The following MIB1 variants were observed in gnomAD, a reference collection of about 807,000 sequenced individuals.
The protein encoded by MIB1 is MIB E3 ubiquitin protein ligase 1.
Under a neutral mutation model 124.5 loss-of-function variants are expected in MIB1, and 278 were observed. The observed-to-expected ratio is 2.23, with a 90% CI of 2.02 to 2.47. MIB1 has a LOEUF of 2.47. Ranked by LOEUF, MIB1 falls within the 30% of genes most tolerant of loss-of-function variation. MIB1 has a pLI of 0.00. For synonymous variants in MIB1, 446 were observed against 429.4 expected (o/e 1.04, Z -0.48); for missense variants, 957 against 1,254.4 (o/e 0.76, Z 3.58).
intron 12 of MIB1, among the ~76,000 whole-genome samples, chr18:21,824,832 A>G (rs1239714247): frequency 6.6e-6 from 1 of 152,050 alleles, no homozygotes; most frequent in Non-Finnish European, 1.5e-5. Flanking sequence ...TAAATTATCT[A>G]TAGTTTTATT....
Position 21,765,925 on chromosome 18 carries a change from C to G in MIB1, c.383C>G (p.Thr128Ser). 6.2e-7 allele frequency: 1 copy of G among 1,614,056 alleles called. No individual in the cohort carries two copies. The highest frequency in any genetic ancestry group is 8.5e-7 in the Non-Finnish European group (1 of 1,179,922). The change falls in exon 2 of 21, where the codon ACT (threonine) becomes AGT (serine). Residue 128 changes from threonine (T) to serine (S), a missense_variant. Transcript: ENST00000261537. ...HHLRHRFYRI[T>S]TPGSERVLLE... Reference sequence around the variant, plus strand: ...TTAAGACATCGCTTTTACCGAATTACTACACCGGGAAGTGAGAGGTAGGGA... The same window carrying G: ...TTAAGACATCGCTTTTACCGAATTAGTACACCGGGAAGTGAGAGGTAGGGA...
intron 1 of MIB1, among the ~76,000 whole-genome samples, chr18:21,729,455 A>G (rs1332530339): frequency 6.6e-6 from 1 of 152,110 alleles, no homozygotes; most frequent in Admixed American, 6.6e-5. Flanking sequence ...TACATGGTAG[A>G]CGATGCAAAA....
Position 21,843,134 on chromosome 18 carries a change from A to C in MIB1, c.1966A>C (p.Asn656His), listed in dbSNP as rs772123176. ...EVAELLVHQG[N>H]ANLDIQNVNQ... is the part of the protein sequence containing the mutation. ...AACATTTGTTCTTCTCGTTCAGGGT[A>C]ATGCAAACCTGGATATCCAGAATGT... Residue 656 changes from asparagine (N) to histidine (H), a missense_variant, in exon 14 of 21, where the codon AAT becomes CAT. Physicochemically the swap from Asn to His is moderately conservative, Grantham distance 68. Transcript: ENST00000261537. 1 of 1,601,778 alleles carries C rather than the reference A, an allele frequency of 6.2e-7. No homozygotes were observed. Among genetic ancestry groups the C allele is most frequent in the East Asian group, 2.3e-5 (1 of 44,094 alleles).
At chr18:21,803,039 G>A (rs1178488806) in intron 9 of MIB1, among the ~76,000 whole-genome samples, 1 of 152,112 alleles carries the variant, frequency 6.6e-6, no homozygotes, top group African/African-American at 2.4e-5. Flanking sequence ...GAGTTTGTCT[G>A]GGATTCCCTG....
At chr18:21,781,938 T>C (rs901091120) in intron 6 of MIB1, among the ~76,000 whole-genome samples, 2 of 152,108 alleles carry the variant, frequency 1.3e-5, no homozygotes, top group Non-Finnish European at 2.9e-5. Flanking sequence ...GTTGATTTTG[T>C]TTATCTTTTG....
chr18:21,862,670 T>C (rs930224866), intron 20 of MIB1, among the ~76,000 whole-genome samples: 1 of 152,110 alleles, frequency 6.6e-6, no homozygotes, highest in African/African-American at 2.4e-5. Flanking sequence ...AGCAAGAACT[T>C]TGGGGCCCTG....
At chr18:21,711,549 C>T (rs1051824859) in intron 1 of MIB1, among the ~76,000 whole-genome samples, 9 of 151,900 alleles carry the variant, frequency 5.9e-5, no homozygotes, top group African/African-American at 2.2e-4. Flanking sequence ...TCCCAAAGTG[C>T]TGGGATTATA....
chr18:21,815,177 T>A (rs902758264), intron 10 of MIB1, among the ~76,000 whole-genome samples: 1 of 150,418 alleles, frequency 6.6e-6, no homozygotes, highest in Non-Finnish European at 1.5e-5. Flanking sequence ...TTTTAAAAAA[T>A]TTTTTTATAG....
intron 1 of MIB1, among the ~76,000 whole-genome samples, chr18:21,722,305 C>T (rs1458097707): frequency 2.6e-5 from 4 of 152,066 alleles, no homozygotes; most frequent in Non-Finnish European, 4.4e-5. Flanking sequence ...CCACCTGCCT[C>T]GGCCTCCTAA....
At chr18:21,797,950 T>A (rs1269703936) in intron 7 of MIB1, 134 bp from the exon 8 acceptor site, 2 of 715,838 alleles carry the variant, frequency 2.8e-6, no homozygotes, top group South Asian at 4.4e-5. Context: ...ATAACCCATT[T>A]CAGTATGGTT....
rs182880688 is a variant in MIB1, at chr18:21,811,960, T to A, written c.1480-3656T>A. On this transcript the variant is annotated intron_variant, in intron 10 of 20. Coordinates refer to ENST00000261537, the MANE Select transcript of MIB1 (RefSeq NM_020774.4). ...TTATATTCAACACCCATTTTTATTC[T>A]TACTAGTTAATAATCACTGTGCTAG... Among the ~76,000 whole-genome samples, 571 of 152,344 alleles carry A rather than the reference T, an allele frequency of 3.7e-3. 4 individuals carry two copies. The highest frequency in any genetic ancestry group is 6.8e-3 in the Middle Eastern group (2 of 294).
chr18:21,773,133 A>G (rs1473933217), intron 3 of MIB1, among the ~76,000 whole-genome samples: 1 of 151,968 alleles, frequency 6.6e-6, no homozygotes, highest in Non-Finnish European at 1.5e-5. Context: ...AGGCGTGGTG[A>G]CAGGCACCTG....
At chr18:21,706,992 A>G (rs941780282) in intron 1 of MIB1, among the ~76,000 whole-genome samples, 9 of 152,156 alleles carry the variant, frequency 5.9e-5, no homozygotes, top group Non-Finnish European at 1.0e-4. Flanking sequence ...TCTAGTGGGG[A>G]CTTGGAGAAC....
Position 21,741,540 on chromosome 18 carries a change from C to G in MIB1, c.-44C>G, listed in dbSNP as rs1651603294. The G allele has an allele frequency of 7.7e-7, 1 of 1,292,642 alleles. No individual in the cohort carries two copies. The highest frequency in any genetic ancestry group is 2.5e-5 in the South Asian group (1 of 40,512). 80.1% of individuals were successfully genotyped at this position (1,292,642 alleles called of 1,614,324 possible). ...CTCACGGGCCCCCCGGCGGCAGCGGCGGCGGCGGCGGCGGCAGCGGCGGAG... is the reference window on the plus strand; with the variant it reads ...CTCACGGGCCCCCCGGCGGCAGCGGGGGCGGCGGCGGCGGCAGCGGCGGAG... On this transcript the variant is annotated 5_prime_UTR_variant, in exon 1 of 21. Coordinates refer to ENST00000261537, the MANE Select transcript of MIB1 (RefSeq NM_020774.4). This position sits in a 1 kb window ranked among gnomAD's most constrained non-coding sequence, Gnocchi z 5.4.
At chr18:21,743,145 C>G (rs1358486599) in intron 1 of MIB1, among the ~76,000 whole-genome samples, 1 of 152,138 alleles carries the variant, frequency 6.6e-6, no homozygotes, top group Non-Finnish European at 1.5e-5. Flanking sequence ...TGAAAAGATT[C>G]AACAGCACAA....
chr18:21,859,886 C>CAAAAAAAA (rs934260189), intron 20 of MIB1, among the ~76,000 whole-genome samples: 2 of 28,412 alleles, frequency 7.0e-5, no homozygotes, highest in Non-Finnish European at 1.3e-4. Context: ...GAGACTGTCT[C>CAAAAAAAA]AAAAAAAAAA....
At chr18:21,840,574 A>G (rs1315061671) in intron 13 of MIB1, among the ~76,000 whole-genome samples, 2 of 150,962 alleles carry the variant, frequency 1.3e-5, no homozygotes, top group African/African-American at 4.9e-5. Flanking sequence ...GAATAGCTCA[A>G]ATCTAGGAGT....
At chr18:21,708,443 C>T (rs1447689942) in intron 1 of MIB1, among the ~76,000 whole-genome samples, 3 of 152,070 alleles carry the variant, frequency 2.0e-5, no homozygotes, top group African/African-American at 7.2e-5. Context: ...CACTTGAGGT[C>T]AGGAGTTCGA....
chr18:21,851,440 AGAAAAGTAGAAAAACTACG>A, intron 17 of MIB1, among the ~76,000 whole-genome samples: 1 of 152,190 alleles, frequency 6.6e-6, no homozygotes, highest in Non-Finnish European at 1.5e-5. Flanking sequence ...TATAATCTAT[AGAAAAGTAGAAAAACTACG>A]GATATACCCA....
Sources: gnomAD v4.1 joint callset for allele counts (sites outside exome capture counted in the v4.1 genomes callset) on GRCh38, gnomAD v4.1.1 for gene constraint, Gnocchi (gnomAD v3.1) non-coding constraint, MANE v1.5 for transcripts, NCBI Gene and HGNC (gene_info 2026-07-23, HGNC 2026-07-21) for gene names.